The following MTDH variants were observed in gnomAD, a reference collection of about 807,000 sequenced individuals.
MTDH encodes protein LYRIC.
Under a neutral mutation model 72.7 loss-of-function variants are expected in MTDH, and 34 were observed. The observed-to-expected ratio is 0.47, with a 90% CI of 0.36 to 0.62. The LOEUF (loss-of-function observed/expected upper bound fraction) is 0.62. Among genes scored for constraint, MTDH ranks in the 20% least tolerant of loss-of-function variants. MTDH has a pLI of 0.00. For missense variants in MTDH, 677 were observed against 699.4 expected (o/e 0.97, Z 0.36); for synonymous variants, 266 against 268.9 (o/e 0.99, Z 0.10).
chr8:97,698,719 A>G (rs1813976550), intron 6 of MTDH, among the ~76,000 whole-genome samples: 1 of 152,230 alleles, frequency 6.6e-6, no homozygotes, highest in Non-Finnish European at 1.5e-5. Context: ...GACATTTTCT[A>G]GTTCCCTCTT....
chr8:97,668,013 C>A (rs544878278), intron 2 of MTDH, among the ~76,000 whole-genome samples: 1 of 151,472 alleles, frequency 6.6e-6, no homozygotes. Context: ...TACCGCCAGG[C>A]GCGGTGGCTC....
At chr8:97,684,963 G>T (rs201378638) in intron 2 of MTDH, among the ~76,000 whole-genome samples, 1 of 152,210 alleles carries the variant, frequency 6.6e-6, no homozygotes, top group South Asian at 2.1e-4. Context: ...CTACTCGGGA[G>T]GCTGAGGCCG....
At position 97,644,375 on chromosome 8, in the gene MTDH, C is replaced by T; in HGVS notation, c.-132C>T. ...CGGTGGCAGCGGCCGATCCCCGGCT[C>T]CGGCGCGAGGGACGGCCGCGATGCG... On this transcript the variant is annotated 5_prime_UTR_variant, in exon 1 of 12. Transcript: ENST00000336273. 1.6e-6 allele frequency: 2 copies of T among 1,278,164 alleles called. No individual in the cohort carries two copies. The highest frequency in any genetic ancestry group is 2.1e-6 in the Non-Finnish European group (2 of 968,010). 79.2% of individuals were successfully genotyped at this position (1,278,164 alleles called of 1,614,324 possible).
In MTDH at chr8:97,724,586, C is replaced by T; in HGVS notation, c.1679-14C>T. On this transcript the variant is annotated splice_polypyrimidine_tract_variant and intron_variant, in intron 11 of 11. Coordinates refer to ENST00000336273, the MANE Select transcript of MTDH (RefSeq NM_178812.4). ...CCTAATTTTTTTCTTCGTTTTCCCCCTTTTCTTTTTTAGCCAAGTCTGAAA... is the reference window on the plus strand; with the variant it reads ...CCTAATTTTTTTCTTCGTTTTCCCCTTTTTCTTTTTTAGCCAAGTCTGAAA... The T allele has an allele frequency of 6.4e-7, 1 of 1,574,510 alleles. No individual in the cohort carries two copies. The highest frequency in any genetic ancestry group is 2.1e-5 in the Admixed American group (1 of 48,322).
intron 11 of MTDH, among the ~76,000 whole-genome samples, chr8:97,723,699 T>TGC (rs1815233818): frequency 6.6e-6 from 1 of 150,408 alleles, no homozygotes; most frequent in Non-Finnish European, 1.5e-5. Flanking sequence ...GCCGAGATCA[T>TGC]GCCACTGCAC....
chr8:97,649,823 C>CA (rs111511296), intron 1 of MTDH, among the ~76,000 whole-genome samples: 47 of 152,316 alleles, frequency 3.1e-4, no homozygotes, highest in African/African-American at 1.1e-3. Flanking sequence ...CGCATGGACT[C>CA]AAACTCCTGA....
chr8:97,671,702 G>A (rs1812632310), intron 2 of MTDH, among the ~76,000 whole-genome samples: 1 of 152,042 alleles, frequency 6.6e-6, no homozygotes, highest in South Asian at 2.1e-4. Context: ...AATTAGCTTG[G>A]CATGGTGGTA....
At chr8:97,719,363 G>T (rs1815014483) in intron 10 of MTDH, among the ~76,000 whole-genome samples, 174 bp downstream of exon 10, 3 of 151,752 alleles carry the variant, frequency 2.0e-5, no homozygotes, top group Admixed American at 6.6e-5. Context: ...CACGGTGATG[G>T]GAGCCTGTAA....
intron 7 of MTDH, among the ~76,000 whole-genome samples, chr8:97,705,191 G>A (rs1385271931): frequency 6.6e-6 from 1 of 151,922 alleles, no homozygotes; most frequent in Non-Finnish European, 1.5e-5. Flanking sequence ...CAGCTACTTG[G>A]GAGGCTGAGG....
At chr8:97,692,037 T>C (rs1238401680) in intron 6 of MTDH, among the ~76,000 whole-genome samples, 2 of 151,978 alleles carry the variant, frequency 1.3e-5, no homozygotes, top group Non-Finnish European at 2.9e-5. Context: ...GGCATCACCA[T>C]ACCTGGCTAA....
Position 97,728,086 on chromosome 8 carries a change from T to C in MTDH, c.*3416T>C, listed in dbSNP as rs770538795. 1 of 152,182 alleles carries C rather than the reference T, an allele frequency of 6.6e-6. No homozygotes were observed. The highest frequency in any genetic ancestry group is 1.5e-5 in the Non-Finnish European group (1 of 68,036). 9.4% of individuals were successfully genotyped at this position (152,182 alleles called of 1,614,324 possible). A position where few individuals can be genotyped will look rare whatever the true frequency, so the allele number is the denominator to read the frequency against. ...AATTAAAAACAGTCCTCTATTAATA[T>C]AGTGTGAAATATCTTTCAAAATTTA... On this transcript the variant is annotated 3_prime_UTR_variant, in exon 12 of 12. Transcript: ENST00000336273.
chr8:97,666,342 A>G (rs1052572864), intron 2 of MTDH, among the ~76,000 whole-genome samples: 2 of 152,216 alleles, frequency 1.3e-5, no homozygotes, highest in Admixed American at 6.5e-5. Flanking sequence ...TTTGTACAAA[A>G]CATTTTCATA....
intron 7 of MTDH, among the ~76,000 whole-genome samples, chr8:97,704,555 A>G (rs1586267743): frequency 2.0e-5 from 3 of 152,030 alleles, no homozygotes; most frequent in Non-Finnish European, 2.9e-5. Flanking sequence ...GCTGCAGTGA[A>G]CTATGATTAT....
intron 1 of MTDH, among the ~76,000 whole-genome samples, chr8:97,647,898 C>G (rs978958032): frequency 6.7e-6 from 1 of 150,268 alleles, no homozygotes; most frequent in Admixed American, 6.6e-5. Flanking sequence ...GAGCTATGAT[C>G]AGGTGACTGC....
chr8:97,710,842 A>G (rs530542062), intron 8 of MTDH, among the ~76,000 whole-genome samples: 1 of 152,162 alleles, frequency 6.6e-6, no homozygotes, highest in African/African-American at 2.4e-5. Context: ...TCTACTGAAA[A>G]TAGAAAAATT....
At chr8:97,692,442 G>A (rs771757808) in intron 6 of MTDH, among the ~76,000 whole-genome samples, 1 of 150,698 alleles carries the variant, frequency 6.6e-6, no homozygotes, top group Admixed American at 6.6e-5. Context: ...GCATGATCTC[G>A]GCTCACAACA....
rs986299481 is a variant in MTDH, at chr8:97,730,112, C to T, written c.*5442C>T. On this transcript the variant is annotated 3_prime_UTR_variant, in exon 12 of 12. Transcript: ENST00000336273. ...ATACGTTAATTGAGAAAACTTTAAG[C>T]AGGTTCAAAGTTATCCCATGATAGT... Among the ~76,000 whole-genome samples, 1 of 152,136 alleles carries T rather than the reference C, an allele frequency of 6.6e-6. No individual in the cohort carries two copies. The highest frequency in any genetic ancestry group is 1.5e-5 in the Non-Finnish European group (1 of 68,032).
At chr8:97,720,734 A>C (rs868534109) in intron 10 of MTDH, among the ~76,000 whole-genome samples, 4 of 150,356 alleles carry the variant, frequency 2.7e-5, no homozygotes, top group Non-Finnish European at 3.0e-5. Context: ...GCTCGCTGCA[A>C]CCTCTACCTC....
chr8:97,723,733 ACT>A (rs1179795723), intron 11 of MTDH, among the ~76,000 whole-genome samples: 1 of 151,370 alleles, frequency 6.6e-6, no homozygotes, highest in African/African-American at 2.4e-5. Context: ...ACAGAGCAAG[ACT>A]CTGTCTCAAA....
Sources: allele counts gnomAD v4.1 joint callset (sites outside exome capture counted in the v4.1 genomes callset), GRCh38; gene constraint gnomAD v4.1.1; transcripts MANE v1.5; gene names NCBI Gene and HGNC (gene_info 2026-07-23, HGNC 2026-07-21).